NCALD: variants seen among roughly 807,000 people sequenced by gnomAD.
NCALD encodes neurocalcin-delta.
In NCALD, 10 loss-of-function variants were observed where a neutral mutation model predicts 18.6. That is an observed-to-expected ratio of 0.54 (90% confidence interval 0.33 to 0.91). The LOEUF (loss-of-function observed/expected upper bound fraction) is 0.91, where lower values mean the gene tolerates loss of function less well. Among genes scored for constraint, NCALD ranks in the 40% least tolerant of loss-of-function variants. The pLI, the probability that NCALD is intolerant of heterozygous loss-of-function variation, is 0.03. For missense variants in NCALD, 184 were observed against 247.6 expected (o/e 0.74, Z 1.72); for synonymous variants, 88 against 87.4 (o/e 1.01, Z -0.04).
intron 1 of NCALD, among the ~76,000 whole-genome samples, chr8:102,040,344 C>G (rs1169094919): frequency 6.6e-6 from 1 of 151,836 alleles, no homozygotes; most frequent in African/African-American, 2.4e-5. Context: ...CATGATGGTG[C>G]GTGCCTGTAA....
intron 1 of NCALD, among the ~76,000 whole-genome samples, chr8:102,078,216 C>T (rs932951670): frequency 6.6e-6 from 1 of 152,076 alleles, no homozygotes; most frequent in Non-Finnish European, 1.5e-5. Context: ...CCCAACTCAC[C>T]TACAAATCCT....
chr8:101,888,395 T>TATTTATTTA (rs1563860459), intron 3 of NCALD, among the ~76,000 whole-genome samples: 13 of 151,494 alleles, frequency 8.6e-5, no homozygotes, highest in African/African-American at 2.4e-4. Flanking sequence ...GGACTTTCTT[T>TATTTATTTA]TTTATTTATT....
At chr8:101,946,902 C>G (rs2131787862) in intron 2 of NCALD, among the ~76,000 whole-genome samples, 1 of 149,652 alleles carries the variant, frequency 6.7e-6, no homozygotes, top group Admixed American at 6.7e-5. Context: ...ACACCATAGA[C>G]ATCTCAACTG....
chr8:102,064,123 C>T (rs1248300564), intron 1 of NCALD, among the ~76,000 whole-genome samples: 1 of 152,228 alleles, frequency 6.6e-6, no homozygotes, highest in Non-Finnish European at 1.5e-5. Context: ...GCAATGATTA[C>T]ACGAACAAAT....
chr8:101,964,769 C>T (rs372676019), intron 2 of NCALD, among the ~76,000 whole-genome samples: 26 of 152,192 alleles, frequency 1.7e-4, no homozygotes, highest in East Asian at 1.2e-3. Flanking sequence ...GTCAAGGATT[C>T]GCCTAATTTT....
At chr8:102,083,968 T>C (rs946537404) in intron 1 of NCALD, among the ~76,000 whole-genome samples, 1 of 152,232 alleles carries the variant, frequency 6.6e-6, no homozygotes, top group African/African-American at 2.4e-5. Context: ...TTTCAACAAA[T>C]GTAAAATGAC....
At chr8:101,879,475 A>T (rs1816383616) in intron 4 of NCALD, among the ~76,000 whole-genome samples, 1 of 152,084 alleles carries the variant, frequency 6.6e-6, no homozygotes, top group Non-Finnish European at 1.5e-5. Flanking sequence ...CTTCACTGTG[A>T]GTGTTACAGC....
intron 2 of NCALD, among the ~76,000 whole-genome samples, chr8:102,013,257 C>T (rs1249339838): frequency 6.6e-6 from 1 of 152,080 alleles, no homozygotes; most frequent in Non-Finnish European, 1.5e-5. Flanking sequence ...CTCAGCAGCT[C>T]ATATTTTTCT....
At chr8:101,898,078 T>C (rs1032651275) in intron 3 of NCALD, among the ~76,000 whole-genome samples, 13 of 152,232 alleles carry the variant, frequency 8.5e-5, no homozygotes, top group African/African-American at 3.1e-4. Context: ...CCTTCAGCCA[T>C]GATTGGAAGT....
upstream of NCALD, among the ~76,000 whole-genome samples, chr8:101,792,867 G>A (rs1200813901): frequency 1.3e-5 from 2 of 149,608 alleles, no homozygotes; most frequent in Non-Finnish European, 3.0e-5. Flanking sequence ...AATAGGTGAT[G>A]TCTTCTGAAA....
At chr8:101,690,423 G>C (rs1048256248) in intron 3 of NCALD, 2 of 985,306 alleles carry the variant, frequency 2.0e-6, no homozygotes, top group Non-Finnish European at 2.4e-6. Flanking sequence ...GCTCCTCCAA[G>C]GGCAGCACCC....
chr8:101,935,178 CA>C (rs370253324), intron 2 of NCALD, among the ~76,000 whole-genome samples: 3,232 of 146,018 alleles, frequency 0.022, 93 homozygotes, highest in African/African-American at 0.069. Flanking sequence ...AATTACAAGG[CA>C]AAAAAAAAAT....
chr8:101,996,494 A>G lies in NCALD; in HGVS notation c.-157+23743T>C, dbSNP rs375143270. ...TTGCCCATAGCTGTTGCTCACAACA[A>G]TATCTTCTTTGGTTACTGACAGGGG... On this transcript the variant is annotated intron_variant, in intron 2 of 6. Coordinates refer to the NCALD transcript ENST00000311028. Among the ~76,000 whole-genome samples the G allele has an allele frequency of 9.8e-5, 15 of 152,352 alleles. No homozygotes were observed. The East Asian group carries it at 2.5e-3, about 25-fold the overall frequency.
At chr8:102,026,558 G>A (rs918759484) in intron 1 of NCALD, among the ~76,000 whole-genome samples, 25 of 152,330 alleles carry the variant, frequency 1.6e-4, no homozygotes, top group African/African-American at 5.3e-4. Context: ...CATGGCCTTG[G>A]ACAGCTCCAC....
intron 1 of NCALD, among the ~76,000 whole-genome samples, chr8:102,065,010 CAAAAAAAAAA>C (rs34548051): frequency 4.6e-5 from 4 of 87,560 alleles, no homozygotes; most frequent in African/African-American, 1.4e-4. Context: ...CTCACTTTGG[CAAAAAAAAAA>C]AAAAAAAAAA....
intron 1 of NCALD, among the ~76,000 whole-genome samples, chr8:101,772,205 C>T (rs76261350): frequency 0.028 from 4,241 of 152,290 alleles, 199 homozygotes; most frequent in African/African-American, 0.097. Flanking sequence ...ATCATATCCT[C>T]CTCTTAGAGG....
chr8:101,965,042 T>C (rs572911859), intron 2 of NCALD, among the ~76,000 whole-genome samples: 4 of 152,138 alleles, frequency 2.6e-5, no homozygotes, highest in African/African-American at 7.2e-5. Flanking sequence ...ATTAGAGAAA[T>C]GCACATCAAA....
chr8:101,940,325 A>T (rs1280409025), intron 2 of NCALD, among the ~76,000 whole-genome samples: 1 of 147,808 alleles, frequency 6.8e-6, no homozygotes, highest in East Asian at 1.9e-4. Context: ...GGAGATAAAC[A>T]CTAAAGCAAA....
intron 3 of NCALD, chr8:101,690,338 T>G: frequency 1.0e-6 from 1 of 982,446 alleles, no homozygotes; most frequent in Non-Finnish European, 1.2e-6. Flanking sequence ...GAGGAATTGC[T>G]GGGCATCTCC....
Sources: allele counts gnomAD v4.1 joint callset (sites outside exome capture counted in the v4.1 genomes callset), GRCh38; gene constraint gnomAD v4.1.1; transcripts MANE v1.5; gene names NCBI Gene and HGNC (gene_info 2026-07-23, HGNC 2026-07-21).